Variants in RARB observed in about 807,000 individuals in gnomAD.
The protein encoded by RARB is HBV-activated protein.
RARB carries 17 observed loss-of-function variants against 51.9 expected under a neutral mutation model. The ratio of observed to expected loss-of-function variants is 0.33; its 90% CI spans 0.22 to 0.49. The LOEUF (loss-of-function observed/expected upper bound fraction) is 0.49. Among genes scored for constraint, RARB ranks in the 20% least tolerant of loss-of-function variants. The pLI is 0.99. For missense variants in RARB, 369 were observed against 550.8 expected (o/e 0.67, Z 3.30); for synonymous variants, 215 against 195.4 (o/e 1.10, Z -0.84).
intron 2 of RARB, among the ~76,000 whole-genome samples, chr3:25,052,214 A>G (rs1698346814): frequency 1.3e-5 from 2 of 152,202 alleles, no homozygotes; most frequent in South Asian, 2.1e-4. Flanking sequence ...ATATTTGCTT[A>G]AAGCCCTTAT....
intron 5 of RARB, among the ~76,000 whole-genome samples, chr3:25,330,942 T>A (rs1030091087): frequency 6.6e-6 from 1 of 152,194 alleles, no homozygotes; most frequent in African/African-American, 2.4e-5. Context: ...CATTACATAA[T>A]GGTGAAGGGA....
intron 3 of RARB, among the ~76,000 whole-genome samples, chr3:25,554,105 G>A (rs1699952146): frequency 6.6e-6 from 1 of 151,170 alleles, no homozygotes; most frequent in African/African-American, 2.4e-5. Context: ...TACAAATACT[G>A]CAGGCCATGG....
At chr3:25,104,170 T>C in intron 3 of RARB, among the ~76,000 whole-genome samples, 1 of 152,150 alleles carries the variant, frequency 6.6e-6, no homozygotes, top group South Asian at 2.1e-4. Flanking sequence ...AAAACCACAA[T>C]GTGATTATAC....
At chr3:25,289,098 TG>T (rs780125306) in intron 5 of RARB, among the ~76,000 whole-genome samples, 25 of 152,224 alleles carry the variant, frequency 1.6e-4, no homozygotes, top group Non-Finnish European at 3.4e-4. Flanking sequence ...CCTTTTCAGC[TG>T]TTTCACGTAG....
At chr3:25,577,213 G>A (rs1354994588) in intron 4 of RARB, among the ~76,000 whole-genome samples, 2 of 152,156 alleles carry the variant, frequency 1.3e-5, no homozygotes, top group African/African-American at 4.8e-5. Context: ...TTCGCCCGCG[G>A]GATCTTGCAC....
At chr3:25,193,971 A>G (rs895724122) in intron 5 of RARB, among the ~76,000 whole-genome samples, 2 of 151,984 alleles carry the variant, frequency 1.3e-5, no homozygotes, top group Non-Finnish European at 2.9e-5. Context: ...TTTTAATATT[A>G]CACTATTCAC....
intron 5 of RARB, among the ~76,000 whole-genome samples, chr3:25,593,028 TAAG>T (rs1340839071): frequency 6.6e-6 from 1 of 152,140 alleles, no homozygotes; most frequent in African/African-American, 2.4e-5. Flanking sequence ...ATTTGTAAAA[TAAG>T]AATAATATTC....
At chr3:25,577,457 G>T (rs751562002) in intron 4 of RARB, among the ~76,000 whole-genome samples, 1 of 152,210 alleles carries the variant, frequency 6.6e-6, no homozygotes, top group Non-Finnish European at 1.5e-5. Context: ...GAACTTGAAA[G>T]GACATCAGTC....
rs569891667 is a variant in RARB at position 25,408,894 on chromosome 3, C to T, written c.179-52299C>T. Among the ~76,000 whole-genome samples, 6 of 152,072 alleles carry T rather than the reference C, an allele frequency of 3.9e-5. No individual in the cohort carries two copies. In the South Asian group the frequency reaches 6.2e-4, roughly 16 times the overall value. On this transcript the variant is annotated intron_variant, in intron 5 of 11. Coordinates refer to the RARB transcript ENST00000383772. The stretch of plus-strand genomic sequence containing the variant: ...ACTAAAAATACAAAAATTAGCTGGG[C>T]GTGGTGACAGGCATCTGTAGTCCCA...
At chr3:24,850,011 C>G (rs1702536842) in intron 1 of RARB, among the ~76,000 whole-genome samples, 1 of 152,142 alleles carries the variant, frequency 6.6e-6, no homozygotes, top group South Asian at 2.1e-4. Flanking sequence ...GTTCTGAAGG[C>G]TGGGAAGTTC....
chr3:25,404,303 G>A (rs537832630), intron 5 of RARB, among the ~76,000 whole-genome samples: 16 of 152,168 alleles, frequency 1.1e-4, no homozygotes, highest in African/African-American at 3.4e-4. Flanking sequence ...TTAACATTCC[G>A]ACAGGGTTAG....
At position 24,989,767 on chromosome 3, in the gene RARB, T is replaced by C. The variant is rs1272310984; in HGVS notation, c.-379-70358T>C. 4.6e-4 allele frequency among the ~76,000 whole-genome samples: 38 copies of C among 82,740 alleles called. 12 individuals carry two copies. Among genetic ancestry groups the C allele is most frequent in the African/African-American group, 1.9e-3 (36 of 19,090 alleles). The allele number at this position is 82,740 out of a possible 152,430, so 54.3% of individuals were successfully genotyped here. A position where few individuals can be genotyped will look rare whatever the true frequency, so the allele number is the denominator to read the frequency against. ...AACTTTCATTTTAACTGTTGTCATA[T>C]GTTTTTCTTTTTTTTTTTTTTTTTT... On this transcript the variant is annotated intron_variant, in intron 2 of 11. Transcript: ENST00000383772.
chr3:24,962,585 C>G (rs1437470918), intron 2 of RARB, among the ~76,000 whole-genome samples: 1 of 152,200 alleles, frequency 6.6e-6, no homozygotes, highest in African/African-American at 2.4e-5. Context: ...ACCAGCATTA[C>G]TGCCTGAGCT....
intron 2 of RARB, among the ~76,000 whole-genome samples, chr3:25,009,206 T>C (rs1046708922): frequency 1.3e-5 from 2 of 152,238 alleles, no homozygotes; most frequent in Non-Finnish European, 2.9e-5. Flanking sequence ...TCCCAAATTC[T>C]ATGACTCTTA....
intron 2 of RARB, among the ~76,000 whole-genome samples, chr3:24,980,590 C>T (rs1175764779): frequency 1.3e-5 from 2 of 152,106 alleles, no homozygotes; most frequent in Non-Finnish European, 2.9e-5. Context: ...TCACACAGTT[C>T]TCATACTGTG....
chr3:25,174,237 G>T (rs944826833), exon 5 of RARB: 3 of 434,122 alleles, frequency 6.9e-6, no homozygotes, highest in Non-Finnish European at 4.0e-6. Context: ...GAGAAACCAT[G>T]CTGGGAAGAA....
At chr3:25,239,569 A>G (rs887507587) in intron 5 of RARB, among the ~76,000 whole-genome samples, 4 of 152,192 alleles carry the variant, frequency 2.6e-5, no homozygotes, top group Admixed American at 6.5e-5. Context: ...TCCTTTTCCC[A>G]GTATAGGTTC....
chr3:25,468,074 A>G (rs541278865), intron 2 of RARB, among the ~76,000 whole-genome samples: 5 of 152,306 alleles, frequency 3.3e-5, no homozygotes, highest in Middle Eastern at 3.4e-3. Flanking sequence ...GAGAGAAAGC[A>G]TTTTAGGTCA....
intron 5 of RARB, among the ~76,000 whole-genome samples, chr3:25,312,669 C>A (rs576807995): frequency 6.6e-6 from 1 of 152,002 alleles, no homozygotes; most frequent in Non-Finnish European, 1.5e-5. Flanking sequence ...ACAATAGTTA[C>A]AAAGTTTTTT....
Sources: gnomAD v4.1 joint callset for allele counts (sites outside exome capture counted in the v4.1 genomes callset) on GRCh38, gnomAD v4.1.1 for gene constraint, MANE v1.5 for transcripts, NCBI Gene and HGNC (gene_info 2026-07-23, HGNC 2026-07-21) for gene names.